Variants in OTOGL observed in about 807,000 individuals in gnomAD.
The protein encoded by OTOGL is otogelin like.
A neutral mutation model predicts 318.5 loss-of-function variants in OTOGL; 285 were observed. The ratio of observed to expected loss-of-function variants is 0.89; its 90% CI spans 0.81 to 0.99. OTOGL has a LOEUF of 0.99. Among genes scored for constraint, OTOGL ranks in the 50% least tolerant of loss-of-function variants. The pLI is 0.00. For missense variants in OTOGL, 2,899 were observed against 2,845.6 expected (o/e 1.02, Z -0.43); for synonymous variants, 987 against 936.5 (o/e 1.05, Z -0.99).
intron 1 of OTOGL, among the ~76,000 whole-genome samples, chr12:80,162,709 T>C (rs748808354): frequency 2.2e-4 from 33 of 152,028 alleles, no homozygotes; most frequent in Non-Finnish European, 4.3e-4. Context: ...CACAATCATA[T>C]TGGATGAGGG....
Position 80,108,934 on chromosome 12 carries a change from G to A in OTOGL, c.-20+9329G>A, listed in dbSNP as rs1325187248. On this transcript the variant is annotated intron_variant, in intron 1 of 58. Transcript: ENST00000547103. ...TATATATGTGTATATATATATGTGT[G>A]TGTATATATATATATATATACACAC... Among the ~76,000 whole-genome samples, 15 of 92,678 alleles carry A rather than the reference G, an allele frequency of 1.6e-4. 1 individual carries two copies. Among genetic ancestry groups the A allele is most frequent in the African/African-American group, 7.9e-4 (14 of 17,620 alleles). 60.8% of individuals were successfully genotyped at this position (92,678 alleles called of 152,430 possible). A position where few individuals can be genotyped will look rare whatever the true frequency, so the allele number is the denominator to read the frequency against.
At chr12:80,105,854 C>T (rs1441526649) in intron 1 of OTOGL, among the ~76,000 whole-genome samples, 1 of 152,128 alleles carries the variant, frequency 6.6e-6, no homozygotes, top group Non-Finnish European at 1.5e-5. Context: ...ACTTTGCTGT[C>T]AATACCTGAC....
intron 11 of OTOGL, among the ~76,000 whole-genome samples, chr12:80,243,255 A>C (rs1439432450): frequency 1.3e-5 from 2 of 152,122 alleles, no homozygotes; most frequent in African/African-American, 4.8e-5. Flanking sequence ...CATGGAGACC[A>C]GAAGGAAGTG....
chr12:80,249,024 T>G (rs1174160011), intron 11 of OTOGL, among the ~76,000 whole-genome samples: 1 of 146,224 alleles, frequency 6.8e-6, no homozygotes, highest in Non-Finnish European at 1.5e-5. Flanking sequence ...ATCAGCTCCT[T>G]TAAGCACTTC....
At chr12:80,126,751 T>C (rs1565869708) in intron 1 of OTOGL, among the ~76,000 whole-genome samples, 1 of 152,238 alleles carries the variant, frequency 6.6e-6, no homozygotes, top group African/African-American at 2.4e-5. Flanking sequence ...ATATTTAGGA[T>C]AGTTAGCTCT....
At chr12:80,270,081 T>C in intron 22 of OTOGL, 21 bp from the exon 23 acceptor site, 1 of 1,543,398 alleles carries the variant, frequency 6.5e-7, no homozygotes, top group Admixed American at 1.8e-5. Flanking sequence ...TTCCATAAAT[T>C]AACTATTTAT....
At chr12:80,353,856 G>C (rs962670088) in intron 46 of OTOGL, among the ~76,000 whole-genome samples, 1 of 152,164 alleles carries the variant, frequency 6.6e-6, no homozygotes, top group Admixed American at 6.5e-5. Flanking sequence ...TATGCATCTG[G>C]AAAGTGAGGA....
At chr12:80,198,214 G>A (rs2137278081) in intron 1 of OTOGL, among the ~76,000 whole-genome samples, 1 of 152,276 alleles carries the variant, frequency 6.6e-6, no homozygotes, top group East Asian at 1.9e-4. Flanking sequence ...TGCTGTTCAA[G>A]AATGGTTCTC....
chr12:80,118,145 GT>G (rs1870274660), intron 1 of OTOGL, among the ~76,000 whole-genome samples: 1 of 152,122 alleles, frequency 6.6e-6, no homozygotes, highest in Admixed American at 6.6e-5. Flanking sequence ...AACACCCCAA[GT>G]CACTGTCTAA....
At chr12:80,249,922 G>A (rs1270267155) in intron 11 of OTOGL, among the ~76,000 whole-genome samples, 1 of 152,242 alleles carries the variant, frequency 6.6e-6, no homozygotes, top group Admixed American at 6.5e-5. Flanking sequence ...GGAGTGACCC[G>A]ATTTTCCAGG....
chr12:80,366,790 A>G lies in OTOGL; in HGVS notation c.6331+153A>G, dbSNP rs2895790. On this transcript the variant is annotated intron_variant, in intron 53 of 58. Transcript: ENST00000547103. ...TATAAAAATGTGTTATTATGTTTCA[A>G]TTTCTTCTTTTGTAATATCTCTAAA... Among the ~76,000 whole-genome samples the G allele has an allele frequency of 0.23, 34,336 of 151,226 alleles. 6,215 individuals carry two copies. The highest frequency in any genetic ancestry group is 0.5 in the African/African-American group (20,630 of 41,304).
rs539923352 is a variant in OTOGL at position 80,148,882 on chromosome 12, C to T, written c.-20+49277C>T. On this transcript the variant is annotated intron_variant, in intron 1 of 58. Coordinates refer to ENST00000547103, the MANE Select transcript of OTOGL (RefSeq NM_001378609.3). ...GCTTCTGCATTCTTCACGTAGTTCT[C>T]GAGCCTTGGTTTTCAGCTCCATCAG... is the stretch of plus-strand genomic sequence containing the variant. Among the ~76,000 whole-genome samples, 670 of 152,270 alleles carry T rather than the reference C, an allele frequency of 4.4e-3. 5 individuals carry two copies. Among genetic ancestry groups the T allele is most frequent in the African/African-American group, 0.015 (638 of 41,554 alleles).
chr12:80,337,747 C>T (rs1888504751), intron 42 of OTOGL, among the ~76,000 whole-genome samples: 1 of 151,914 alleles, frequency 6.6e-6, no homozygotes, highest in African/African-American at 2.4e-5. Flanking sequence ...GAAATAACTC[C>T]ATTTGTTAGC....
At chr12:80,163,272 A>C (rs1034625223) in intron 1 of OTOGL, among the ~76,000 whole-genome samples, 3 of 152,146 alleles carry the variant, frequency 2.0e-5, no homozygotes, top group African/African-American at 7.2e-5. Context: ...ATAGTTTATG[A>C]GATTCTGTTG....
At chr12:80,237,032 C>T (rs1345953133) in intron 9 of OTOGL, among the ~76,000 whole-genome samples, 1 of 151,908 alleles carries the variant, frequency 6.6e-6, no homozygotes, top group Non-Finnish European at 1.5e-5. Context: ...CCAGGCCAGT[C>T]TCGTACTCCT....
chr12:80,133,367 C>T (rs1313625287), intron 1 of OTOGL: 4 of 152,054 alleles, frequency 2.6e-5, no homozygotes, highest in East Asian at 3.8e-4. Context: ...ATTAGAGATG[C>T]TTATATATGA....
intron 11 of OTOGL, among the ~76,000 whole-genome samples, chr12:80,239,671 T>C (rs1490347817): frequency 6.6e-6 from 1 of 152,164 alleles, no homozygotes; most frequent in Non-Finnish European, 1.5e-5. Context: ...ATTTAATACA[T>C]TCGTGTAATC....
chr12:80,293,637 C>CTTCA (rs1413290662), intron 26 of OTOGL, among the ~76,000 whole-genome samples: 1 of 151,744 alleles, frequency 6.6e-6, no homozygotes, highest in Non-Finnish European at 1.5e-5. Context: ...GTCATCATTT[C>CTTCA]TACTTCCTCA....
intron 1 of OTOGL, among the ~76,000 whole-genome samples, chr12:80,187,093 G>A (rs933660471): frequency 2.6e-5 from 4 of 152,186 alleles, no homozygotes; most frequent in Non-Finnish European, 5.9e-5. Flanking sequence ...CTGGGGCAAA[G>A]CCAGTAGTTA....
Sources: allele counts gnomAD v4.1 joint callset (sites outside exome capture counted in the v4.1 genomes callset), GRCh38; gene constraint gnomAD v4.1.1; transcripts MANE v1.5; gene names NCBI Gene and HGNC (gene_info 2026-07-23, HGNC 2026-07-21).